SYN3: variants seen among roughly 807,000 people sequenced by gnomAD.
SYN3 encodes synapsin-3.
Under a neutral mutation model 65.8 loss-of-function variants are expected in SYN3, and 35 were observed. That is an observed-to-expected ratio of 0.53 (90% confidence interval 0.41 to 0.70). SYN3 has a LOEUF of 0.70. SYN3 is among the 30% of genes least tolerant of loss of function. SYN3 has a pLI of 0.00. For missense variants in SYN3, 680 were observed against 749.0 expected (o/e 0.91, Z 1.08); for synonymous variants, 270 against 292.9 (o/e 0.92, Z 0.80).
At chr22:32,618,784 G>GC (rs949319248) in intron 6 of SYN3, among the ~76,000 whole-genome samples, 1 of 152,146 alleles carries the variant, frequency 6.6e-6, no homozygotes. Flanking sequence ...AGGAAAGGAA[G>GC]CCCCTACCTT....
At chr22:32,724,426 ACT>A (rs1291414591) in intron 6 of SYN3, among the ~76,000 whole-genome samples, 1 of 151,844 alleles carries the variant, frequency 6.6e-6, no homozygotes, top group Non-Finnish European at 1.5e-5. Flanking sequence ...TTCAACAAAG[ACT>A]CTGCCTATTC....
intron 6 of SYN3, among the ~76,000 whole-genome samples, chr22:32,721,684 G>C (rs965529812): frequency 6.6e-6 from 1 of 152,206 alleles, no homozygotes; most frequent in African/African-American, 2.4e-5. Flanking sequence ...TGTAAATATA[G>C]CTGTGAAAAC....
intron 6 of SYN3, among the ~76,000 whole-genome samples, chr22:32,604,820 A>C (rs532867089): frequency 1.3e-5 from 2 of 151,972 alleles, no homozygotes; most frequent in South Asian, 4.2e-4. Context: ...CCTGGCTAAC[A>C]CGGTGAAACC....
intron 6 of SYN3, among the ~76,000 whole-genome samples, chr22:32,813,310 G>T (rs2046962441): frequency 6.6e-6 from 1 of 152,100 alleles, no homozygotes; most frequent in Non-Finnish European, 1.5e-5. Flanking sequence ...TTGGAGTTGG[G>T]GAGACAATAG....
chr22:32,668,146 T>C (rs2060315849), intron 6 of SYN3, among the ~76,000 whole-genome samples: 1 of 152,186 alleles, frequency 6.6e-6, no homozygotes, highest in Admixed American at 6.5e-5. Context: ...ACAAGGACAC[T>C]TTTACCACAA....
chr22:32,533,899 C>G lies in SYN3; in HGVS notation c.993-4G>C. The G allele has an allele frequency of 6.2e-7, 1 of 1,609,470 alleles. No homozygotes were observed. The highest frequency in any genetic ancestry group is 8.5e-7 in the Non-Finnish European group (1 of 1,176,296). The stretch of plus-strand genomic sequence containing the variant: ...GCTGTCCACCCACAGCCTGTACCTG[C>G]AGGGACAGATGGACAGACAGTGAAG... On this transcript the variant is annotated splice_polypyrimidine_tract_variant and splice_region_variant and intron_variant, in intron 9 of 13. Transcript: ENST00000358763.
intron 6 of SYN3, among the ~76,000 whole-genome samples, chr22:32,863,805 C>T (rs1036908806): frequency 6.6e-6 from 1 of 152,078 alleles, no homozygotes; most frequent in South Asian, 2.1e-4. Context: ...TTTCCTGAGA[C>T]CTAGTGTGTA....
intron 6 of SYN3, among the ~76,000 whole-genome samples, chr22:32,690,714 GA>G (rs2060650876): frequency 6.6e-6 from 1 of 152,230 alleles, no homozygotes; most frequent in Non-Finnish European, 1.5e-5. Context: ...GTGGCAGGAA[GA>G]AAGGCTGATC....
intron 1 of SYN3, among the ~76,000 whole-genome samples, chr22:33,011,002 T>C (rs2053337131): frequency 6.6e-6 from 1 of 152,216 alleles, no homozygotes; most frequent in Non-Finnish European, 1.5e-5. Flanking sequence ...CTTGATACTT[T>C]CTATTTAAAT....
At chr22:32,631,097 C>T (rs944102943) in intron 6 of SYN3, among the ~76,000 whole-genome samples, 3 of 152,070 alleles carry the variant, frequency 2.0e-5, no homozygotes, top group Non-Finnish European at 2.9e-5. Flanking sequence ...AGTTCCGAGA[C>T]CAGCTTGGAC....
chr22:32,576,460 G>A (rs1179923932), intron 7 of SYN3, among the ~76,000 whole-genome samples: 2 of 152,206 alleles, frequency 1.3e-5, no homozygotes, highest in Non-Finnish European at 1.5e-5. Flanking sequence ...GAAGCACAGG[G>A]CCTGGCACCT....
At chr22:32,594,148 T>C (rs2059165148) in intron 7 of SYN3, among the ~76,000 whole-genome samples, 1 of 150,932 alleles carries the variant, frequency 6.6e-6, no homozygotes, top group African/African-American at 2.4e-5. Context: ...GACAAGGGAA[T>C]TGGGGGGCAG....
chr22:32,985,401 C>T (rs1430000691), intron 2 of SYN3, among the ~76,000 whole-genome samples: 1 of 152,194 alleles, frequency 6.6e-6, no homozygotes, highest in Non-Finnish European at 1.5e-5. Context: ...TTTGATCTGT[C>T]TCACAGGTGC....
intron 6 of SYN3, among the ~76,000 whole-genome samples, chr22:32,688,941 C>T (rs1384112216): frequency 1.4e-4 from 21 of 152,194 alleles, no homozygotes; most frequent in Non-Finnish European, 2.9e-4. Context: ...CTTGTGTTAG[C>T]ACTGGGGCCT....
chr22:32,619,035 T>C (rs1256664057), intron 6 of SYN3, among the ~76,000 whole-genome samples: 1 of 152,156 alleles, frequency 6.6e-6, no homozygotes, highest in Non-Finnish European at 1.5e-5. Context: ...CTCTATAGAA[T>C]CTGTGAGGTC....
intron 6 of SYN3, among the ~76,000 whole-genome samples, chr22:32,645,971 A>G (rs2146918117): frequency 6.6e-6 from 1 of 152,240 alleles, no homozygotes; most frequent in Non-Finnish European, 1.5e-5. Context: ...AACAAGTCCC[A>G]AGGAGATTCA....
At chr22:32,865,942 TG>T (rs1443596019) in intron 5 of SYN3, among the ~76,000 whole-genome samples, 1 of 151,996 alleles carries the variant, frequency 6.6e-6, no homozygotes, top group African/African-American at 2.4e-5. Flanking sequence ...GCCCTCCGGG[TG>T]TGCATTGAGA....
chr22:32,887,898 T>C (rs2049337828), intron 4 of SYN3, among the ~76,000 whole-genome samples: 1 of 152,234 alleles, frequency 6.6e-6, no homozygotes, highest in Non-Finnish European at 1.5e-5. Context: ...ACGGTGCCTA[T>C]ATATTTAACT....
chr22:32,652,855 C>T (rs1238035315), intron 6 of SYN3, among the ~76,000 whole-genome samples: 4 of 152,122 alleles, frequency 2.6e-5, no homozygotes, highest in African/African-American at 9.7e-5. Context: ...CACAGAATTG[C>T]CTCTCCCTAA....
Sources: allele counts gnomAD v4.1 joint callset (sites outside exome capture counted in the v4.1 genomes callset), GRCh38; gene constraint gnomAD v4.1.1; transcripts MANE v1.5; gene names NCBI Gene and HGNC (gene_info 2026-07-23, HGNC 2026-07-21).